The following ADGRV1 variants were observed in gnomAD, a reference collection of about 807,000 sequenced individuals.
ADGRV1 encodes the protein G-protein coupled receptor 98.
A neutral mutation model predicts 596.2 loss-of-function variants in ADGRV1; 359 were observed. The ratio of observed to expected loss-of-function variants is 0.60; its 90% CI spans 0.55 to 0.66. The LOEUF (loss-of-function observed/expected upper bound fraction) is 0.66. ADGRV1 is among the 30% of genes least tolerant of loss of function. The pLI is 0.00. For synonymous variants in ADGRV1, 2,681 were observed against 2,679.2 expected, an observed-to-expected ratio of 1.00 and a Z score of -0.02; for missense variants, 7,274 against 7,575.6, an observed-to-expected ratio of 0.96 and a Z score of 1.48.
At chr5:90,990,968 A>G (rs755049294) in intron 85 of ADGRV1, among the ~76,000 whole-genome samples, 4 of 152,082 alleles carry the variant, frequency 2.6e-5, no homozygotes, top group Non-Finnish European at 5.9e-5. Flanking sequence ...GGAAAAGAGA[A>G]TATAAAAAGA....
intron 73 of ADGRV1, 28 bp downstream of exon 73, chr5:90,807,765 A>G: frequency 6.7e-7 from 1 of 1,497,318 alleles, no homozygotes; most frequent in Non-Finnish European, 9.0e-7. Flanking sequence ...CTCACCCAAG[A>G]AATTCTCTGA....
intron 87 of ADGRV1, among the ~76,000 whole-genome samples, chr5:91,146,454 C>T (rs1198198941): frequency 1.3e-5 from 2 of 152,176 alleles, no homozygotes; most frequent in South Asian, 2.1e-4. Flanking sequence ...ATTTAAAGGG[C>T]CAGCAGCTCT....
rs138233208 is a variant in ADGRV1, at chr5:90,816,234, G to A, written c.16196+498G>A. On this transcript the variant is annotated intron_variant, in intron 75 of 89. Transcript: ENST00000405460. ...TTTTACAATAGCAACCATTATGAGTGGAAGTGTTGTTTCTTTAGAAAAATC... is the reference window on the plus strand; with the variant it reads ...TTTTACAATAGCAACCATTATGAGTAGAAGTGTTGTTTCTTTAGAAAAATC... Among the ~76,000 whole-genome samples, 52 of 152,108 alleles carry A rather than the reference G, an allele frequency of 3.4e-4. No homozygotes were observed. The East Asian group carries it at 8.5e-3, about 25-fold the overall frequency.
chr5:90,650,751 A>G (rs1768485811), intron 17 of ADGRV1, among the ~76,000 whole-genome samples: 1 of 152,048 alleles, frequency 6.6e-6, no homozygotes, highest in Non-Finnish European at 1.5e-5. Flanking sequence ...GTCCCAATAT[A>G]ATATGATCAT....
At chr5:91,031,736 G>T (rs981661053) in intron 85 of ADGRV1, among the ~76,000 whole-genome samples, 2 of 152,082 alleles carry the variant, frequency 1.3e-5, no homozygotes, top group African/African-American at 2.4e-5. Flanking sequence ...GCCAAAGATT[G>T]TTAGTATCTT....
At chr5:91,011,759 A>AGGG (rs1562087168) in intron 85 of ADGRV1, among the ~76,000 whole-genome samples, 4 of 149,234 alleles carry the variant, frequency 2.7e-5, no homozygotes, top group African/African-American at 1.0e-4. Context: ...CCAGGGGGGA[A>AGGG]AAAAAAAAGC....
intron 83 of ADGRV1, among the ~76,000 whole-genome samples, chr5:90,873,474 C>T (rs1292284259): frequency 1.3e-5 from 2 of 152,130 alleles, no homozygotes; most frequent in Non-Finnish European, 2.9e-5. Flanking sequence ...ATGAGAAATT[C>T]CACAACTCCA....
chr5:90,602,860 A>G (rs1761588938), intron 1 of ADGRV1, among the ~76,000 whole-genome samples: 1 of 152,204 alleles, frequency 6.6e-6, no homozygotes, highest in Admixed American at 6.5e-5. Flanking sequence ...TGGTTAAAAG[A>G]TTTGTGGTGT....
chr5:91,061,702 A>T (rs1174790289), intron 85 of ADGRV1, among the ~76,000 whole-genome samples: 1 of 152,230 alleles, frequency 6.6e-6, no homozygotes, highest in Non-Finnish European at 1.5e-5. Flanking sequence ...TTAAGCACTT[A>T]AAAATGAGCC....
chr5:91,018,446 T>G (rs1783357363), intron 85 of ADGRV1, among the ~76,000 whole-genome samples: 1 of 151,890 alleles, frequency 6.6e-6, no homozygotes, highest in Non-Finnish European at 1.5e-5. Flanking sequence ...TCAAGAGAAG[T>G]GTTGAAAGAA....
chr5:90,848,598 T>A, intron 78 of ADGRV1, 39 bp from the exon 79 acceptor site: 1 of 1,194,330 alleles, frequency 8.4e-7, no homozygotes, highest in Non-Finnish European at 1.1e-6. Context: ...AGAAATTTAT[T>A]TTTATAGATA....
At chr5:90,757,819 A>G (rs1161021864) in intron 57 of ADGRV1, among the ~76,000 whole-genome samples, 1 of 152,186 alleles carries the variant, frequency 6.6e-6, no homozygotes, top group Non-Finnish European at 1.5e-5. Context: ...AGGCATATGA[A>G]CAACCATGAA....
At chr5:90,784,548 T>A (rs1046588220) in intron 67 of ADGRV1, among the ~76,000 whole-genome samples, 2 of 152,052 alleles carry the variant, frequency 1.3e-5, no homozygotes, top group Admixed American at 1.3e-4. Flanking sequence ...GAAAGATGCA[T>A]TAGGAGAAAG....
chr5:90,811,035 G>A lies in ADGRV1; in HGVS notation c.15775G>A (p.Val5259Ile), dbSNP rs764362972. 6.2e-7 allele frequency: 1 copy of A among 1,614,030 alleles called. No individual in the cohort carries two copies. Among genetic ancestry groups the A allele is most frequent in the East Asian group, 2.2e-5 (1 of 44,886 alleles). The change falls in exon 74 of 90, where the codon GTT becomes ATT. Residue 5259 changes from valine to isoleucine, a missense_variant. Physicochemically the swap from Val to Ile is conservative, Grantham distance 29. This residue lies in a region of ADGRV1 where 1,874 missense variants were observed against 1,970.2 expected (regional missense o/e 0.95). Coordinates refer to ENST00000405460, the MANE Select transcript of ADGRV1 (RefSeq NM_032119.4). The part of the protein sequence containing the change: ...GGFTGNVSIT[V>I]KTFGERCAQM... ...GTTTACTGGCAATGTCAGCATAACAGTTAAAACTTTCGGTGAAAGATGTGC... is the reference window on the plus strand; with the variant it reads ...GTTTACTGGCAATGTCAGCATAACAATTAAAACTTTCGGTGAAAGATGTGC...
At chr5:90,650,416 C>T (rs10061038) in intron 17 of ADGRV1, among the ~76,000 whole-genome samples, 3,099 of 152,038 alleles carry the variant, frequency 0.02, 101 homozygotes, top group African/African-American at 0.071. Flanking sequence ...TTATTGTCAG[C>T]GTTTTCTACA....
chr5:90,574,169 GT>G (rs879398284), intron 1 of ADGRV1, among the ~76,000 whole-genome samples: 89 of 141,890 alleles, frequency 6.3e-4, no homozygotes, highest in South Asian at 2.8e-3. Flanking sequence ...TTTCAGAATA[GT>G]TTTTTTTTTT....
At chr5:90,803,164 A>G (rs1008312827) in intron 71 of ADGRV1, among the ~76,000 whole-genome samples, 1 of 152,014 alleles carries the variant, frequency 6.6e-6, no homozygotes, top group East Asian at 1.9e-4. Flanking sequence ...ATAATGAAGC[A>G]CTAATATTCC....
intron 83 of ADGRV1, among the ~76,000 whole-genome samples, chr5:90,869,324 G>A (rs1768440035): frequency 6.6e-6 from 1 of 152,204 alleles, no homozygotes; most frequent in Admixed American, 6.5e-5. Context: ...AAGGCTTGCA[G>A]ATCCCACAGA....
At chr5:90,919,412 G>GT (rs1271766447) in intron 83 of ADGRV1, among the ~76,000 whole-genome samples, 2 of 152,144 alleles carry the variant, frequency 1.3e-5, no homozygotes, top group African/African-American at 4.8e-5. Context: ...GGGAGGTGTA[G>GT]TTGATACATA....
Sources: allele counts gnomAD v4.1 joint callset (sites outside exome capture counted in the v4.1 genomes callset), GRCh38; gene constraint gnomAD v4.1.1; regional missense constraint gnomAD v4.1.1; transcripts MANE v1.5; gene names NCBI Gene and HGNC (gene_info 2026-07-23, HGNC 2026-07-21).